SUMF1: variants seen among roughly 807,000 people sequenced by gnomAD.
SUMF1 encodes sulfatase modifying factor 1.
SUMF1 carries 48 observed loss-of-function variants against 47.6 expected under a neutral mutation model. The ratio of observed to expected loss-of-function variants is 1.01; its 90% CI spans 0.80 to 1.28. The LOEUF (loss-of-function observed/expected upper bound fraction) is 1.28. Among genes scored for constraint, SUMF1 ranks in the 50% most tolerant of loss-of-function variants. The probability of loss-of-function intolerance (pLI) is 0.00; values close to 1 mark genes in which losing one functional copy is unlikely to be tolerated. For missense variants in SUMF1, 571 were observed against 485.4 expected (o/e 1.18, Z -1.66); for synonymous variants, 230 against 192.1 (o/e 1.20, Z -1.63).
At chr3:4,124,150 ATTT>A (rs1559490335) in intron 8 of SUMF1, among the ~76,000 whole-genome samples, 2 of 152,170 alleles carry the variant, frequency 1.3e-5, no homozygotes, top group Admixed American at 6.5e-5. Context: ...TAAAAATCTC[ATTT>A]ATAAGCAAAT....
intron 8 of SUMF1, among the ~76,000 whole-genome samples, chr3:4,253,442 T>A (rs562061434): frequency 1.3e-5 from 2 of 152,168 alleles, no homozygotes; most frequent in Non-Finnish European, 2.9e-5. Flanking sequence ...AGGCATTGCC[T>A]CACCTGGGAA....
chr3:4,110,420 T>A (rs1693269678), intron 8 of SUMF1, among the ~76,000 whole-genome samples: 2 of 152,082 alleles, frequency 1.3e-5, no homozygotes, highest in Non-Finnish European at 2.9e-5. Context: ...TCAACCATTG[T>A]GGAAGACAGT....
Position 4,418,363 on chromosome 3 carries a change from T to C in SUMF1, c.603-231A>G, listed in dbSNP as rs1204149471. Among the ~76,000 whole-genome samples the C allele has an allele frequency of 5.3e-5, 8 of 152,216 alleles. No homozygotes were observed. The South Asian group carries it at 1.4e-3, about 28-fold the overall frequency. On this transcript the variant is annotated intron_variant, in intron 4 of 8. Transcript: ENST00000272902. ...TCCACTGGGAACTAGACTCAAAACA[T>C]TTCTTCACTTTGTAGGCTCGGATTC... is the stretch of plus-strand genomic sequence containing the variant.
At chr3:4,047,085 C>G (rs1695020743) in intron 9 of SUMF1, among the ~76,000 whole-genome samples, 1 of 152,068 alleles carries the variant, frequency 6.6e-6, no homozygotes, top group Non-Finnish European at 1.5e-5. Flanking sequence ...CCTTTTCACT[C>G]CCGGAACACT....
Position 4,420,123 on chromosome 3 carries a change from T to C in SUMF1, c.543A>G (p.Leu181=). ...GTCTCCAGTTAGCGCCTTTCACAGGTAACCACCAGGGAGCAGCTGCAACCT... is the reference window on the plus strand; with the variant it reads ...GTCTCCAGTTAGCGCCTTTCACAGGCAACCACCAGGGAGCAGCTGCAACCT... ...QQAVAAAPWW[L]PVKGANWRHP... The change falls in exon 4 of 9, where the codon TTA becomes TTG. Residue 181 remains leucine (L), a synonymous_variant. Transcript: ENST00000272902. 2 of 1,614,014 alleles carry C rather than the reference T, an allele frequency of 1.2e-6. No homozygotes were observed. The highest frequency in any genetic ancestry group is 1.7e-6 in the Non-Finnish European group (2 of 1,179,986).
At chr3:4,451,091 AAAAAT>A (rs140540152) in intron 2 of SUMF1, among the ~76,000 whole-genome samples, 20,478 of 151,934 alleles carry the variant, frequency 0.13, 1,679 homozygotes, top group African/African-American at 0.22. Flanking sequence ...AAATCAATAA[AAAAAT>A]AAAATAAAAT....
chr3:4,168,971 C>T (rs1362295769), intron 8 of SUMF1, among the ~76,000 whole-genome samples: 1 of 152,120 alleles, frequency 6.6e-6, no homozygotes, highest in African/African-American at 2.4e-5. Flanking sequence ...TTGGTTAAAC[C>T]CCTGCTGATA....
chr3:4,213,019 C>G (rs998837915), intron 8 of SUMF1, among the ~76,000 whole-genome samples: 1 of 152,030 alleles, frequency 6.6e-6, no homozygotes, highest in Non-Finnish European at 1.5e-5. Flanking sequence ...CTTCCCCAAC[C>G]CAGCAAGACA....
rs1258578781 is a variant in SUMF1, at chr3:4,302,655, C to A, written c.1014+73675G>T. On this transcript the variant is annotated intron_variant and NMD_transcript_variant, in intron 8 of 12. Coordinates refer to the SUMF1 transcript ENST00000448413. The stretch of plus-strand genomic sequence containing the variant: ...TAACCTTGGCAGAGAGGAGGGGTCC[C>A]TTCAGATGGTTTGGAGGATTGGAAT... 2.0e-5 allele frequency among the ~76,000 whole-genome samples: 3 copies of A among 152,054 alleles called. No individual in the cohort carries two copies. In the East Asian group the frequency reaches 5.8e-4, roughly 29 times the overall value.
At chr3:4,380,221 A>G (rs1040596624) in intron 7 of SUMF1, among the ~76,000 whole-genome samples, 2 of 152,208 alleles carry the variant, frequency 1.3e-5, no homozygotes, top group African/African-American at 2.4e-5. Flanking sequence ...CATATACACC[A>G]TGGAATACTA....
chr3:4,050,748 C>CAAAA (rs34228101), intron 9 of SUMF1, among the ~76,000 whole-genome samples: 4 of 86,730 alleles, frequency 4.6e-5, no homozygotes, highest in Admixed American at 1.4e-4. Context: ...GACCCTGTCT[C>CAAAA]AAAAAAAAAA....
rs968644850 is a variant in SUMF1, at chr3:4,100,093, A to G, written c.1015-31348T>C. 2.6e-5 allele frequency among the ~76,000 whole-genome samples: 4 copies of G among 151,210 alleles called. No homozygotes were observed. In the South Asian group the frequency reaches 6.3e-4, roughly 24 times the overall value. ...CAATCCTTGGATTGGAAGAATTCAT[A>G]TTATTAAATTGTCTATAGTAACCAA... On this transcript the variant is annotated intron_variant and NMD_transcript_variant, in intron 8 of 12. Coordinates refer to the SUMF1 transcript ENST00000448413.
intron 3 of SUMF1, among the ~76,000 whole-genome samples, chr3:4,434,061 A>G (rs954753092): frequency 4.6e-5 from 7 of 152,256 alleles, no homozygotes; most frequent in Non-Finnish European, 7.3e-5. Context: ...GATTCCACTT[A>G]CGTGAGGTAC....
chr3:4,134,653 A>T (rs1248286822), intron 8 of SUMF1, among the ~76,000 whole-genome samples: 3 of 152,142 alleles, frequency 2.0e-5, no homozygotes, highest in African/African-American at 7.2e-5. Flanking sequence ...GAGACACAAA[A>T]AACCCTTCAA....
Position 4,447,014 on chromosome 3 carries a change from C to T in SUMF1, c.519+2252G>A, listed in dbSNP as rs555756001. Among the ~76,000 whole-genome samples the T allele has an allele frequency of 5.0e-4, 76 of 152,086 alleles. 1 individual carries two copies. Among genetic ancestry groups the T allele is most frequent in the African/African-American group, 1.8e-3 (76 of 41,478 alleles). On this transcript the variant is annotated intron_variant, in intron 3 of 8. Transcript: ENST00000272902. ...AGCAGGGTACTGGCTACTTTAGGGA[C>T]AGAGAGGGGTGATGATTAGGATGTG...
At chr3:4,299,473 C>G (rs527272957) in intron 8 of SUMF1, among the ~76,000 whole-genome samples, 3 of 152,266 alleles carry the variant, frequency 2.0e-5, no homozygotes, top group South Asian at 2.1e-4. Flanking sequence ...GTTTCAAGTA[C>G]CATATTATGG....
intron 8 of SUMF1, among the ~76,000 whole-genome samples, chr3:4,265,267 A>G (rs1345396660): frequency 6.6e-6 from 1 of 152,112 alleles, no homozygotes; most frequent in Non-Finnish European, 1.5e-5. Flanking sequence ...TTTTCTAAGA[A>G]TCTCAATGTT....
intron 1 of SUMF1, among the ~76,000 whole-genome samples, chr3:4,458,067 G>T (rs1430058751): frequency 6.6e-6 from 1 of 152,104 alleles, no homozygotes; most frequent in African/African-American, 2.4e-5. Flanking sequence ...TTAAAAATGG[G>T]CAAAGGACCC....
chr3:4,043,461 C>A (rs1235349642), intron 9 of SUMF1, among the ~76,000 whole-genome samples: 2 of 152,002 alleles, frequency 1.3e-5, no homozygotes, highest in Non-Finnish European at 2.9e-5. Flanking sequence ...AAACTTTTAC[C>A]ACCTGTCCCC....
Sources: gnomAD v4.1 joint callset for allele counts (sites outside exome capture counted in the v4.1 genomes callset) on GRCh38, gnomAD v4.1.1 for gene constraint, MANE v1.5 for transcripts, NCBI Gene and HGNC (gene_info 2026-07-23, HGNC 2026-07-21) for gene names.